The following INTS13 variants were observed in gnomAD, a reference collection of about 807,000 sequenced individuals.
INTS13 encodes the protein asunder, spermatogenesis regulator homolog (Drosphila).
A neutral mutation model predicts 90.2 loss-of-function variants in INTS13; 35 were observed. That is an observed-to-expected ratio of 0.39 (90% CI 0.30 to 0.51). The LOEUF (loss-of-function observed/expected upper bound fraction) is 0.51, where lower values mean the gene tolerates loss of function less well. Among genes scored for constraint, INTS13 ranks in the 20% least tolerant of loss-of-function variants. INTS13 has a pLI of 0.80. For missense variants in INTS13, 601 were observed against 851.2 expected (o/e 0.71, Z 3.66); for synonymous variants, 309 against 277.1 (o/e 1.11, Z -1.14).
chr12:26,914,057 T>A lies in INTS13; in HGVS notation c.1491A>T (p.Thr497=). 1 of 1,611,810 alleles carries A rather than the reference T, an allele frequency of 6.2e-7. No homozygotes were observed. Among genetic ancestry groups the A allele is most frequent in the Non-Finnish European group, 8.5e-7 (1 of 1,179,108 alleles). Residue 497 remains threonine (T), a synonymous_variant, in exon 13 of 17, where the codon ACA becomes ACT. Transcript: ENST00000261191. Reference sequence around the variant, plus strand: ...TTTCCATATCAACTAAGTTGTATATTGTTTTTTGACAGTTTAACACATCTT... The same window carrying A: ...TTTCCATATCAACTAAGTTGTATATAGTTTTTTGACAGTTTAACACATCTT... ...TEEDVLNCQK[T]IYNLVDMERK...
Position 26,925,769 on chromosome 12 carries a change from T to C in INTS13, c.667A>G (p.Lys223Glu), listed in dbSNP as rs1237417332. Residue 223 changes from lysine (K) to glutamate (E), a missense_variant, in exon 6 of 17, where the codon AAA becomes GAA. Coordinates refer to ENST00000261191, the MANE Select transcript of INTS13 (RefSeq NM_018164.3). Reference sequence around the variant, plus strand: ...ATTATTTCAACACTCACCTCTTTTTTAGAACGATCAGATACAAGGCTGTCT... The same window carrying C: ...ATTATTTCAACACTCACCTCTTTTTCAGAACGATCAGATACAAGGCTGTCT... Reference protein sequence around the residue: ...GEDSLVSDRSKKELSPVLTSE... With the variant: ...GEDSLVSDRSEKELSPVLTSE... 1 of 1,608,630 alleles carries C rather than the reference T, an allele frequency of 6.2e-7. No individual in the cohort carries two copies. The highest frequency in any genetic ancestry group is 8.5e-7 in the Non-Finnish European group (1 of 1,176,370).
At chr12:26,926,856 C>T (rs527938505) in intron 5 of INTS13, among the ~76,000 whole-genome samples, 8 of 152,154 alleles carry the variant, frequency 5.3e-5, no homozygotes, top group Non-Finnish European at 1.0e-4. Flanking sequence ...GTCTGGTCAC[C>T]AGAAAGAACA....
At chr12:26,935,962 A>G (rs2136328663) in intron 2 of INTS13, among the ~76,000 whole-genome samples, 1 of 152,284 alleles carries the variant, frequency 6.6e-6, no homozygotes, top group East Asian at 1.9e-4. Flanking sequence ...TCAATCATCC[A>G]TTTCTCTTCT....
At chr12:26,921,417 G>C (rs935692790) in intron 8 of INTS13, among the ~76,000 whole-genome samples, 1 of 152,168 alleles carries the variant, frequency 6.6e-6, no homozygotes, top group Non-Finnish European at 1.5e-5. Flanking sequence ...ATGAGTTTGA[G>C]AAAGCCATGG....
chr12:26,924,840 C>T (rs2137514141), intron 6 of INTS13, among the ~76,000 whole-genome samples: 1 of 152,140 alleles, frequency 6.6e-6, no homozygotes, highest in South Asian at 2.1e-4. Context: ...TTGAAGTACA[C>T]TGCAGAAAAA....
Position 26,911,197 on chromosome 12 carries a change from T to A in INTS13, c.1926A>T (p.Pro642=), listed in dbSNP as rs201853797. ...KKPLVEMDET[P]QVEKSKGPVS... is the part of the protein sequence containing the mutation. ...CCTTACCTTTTGATTTTTCCACTTG[T>A]GGAGTTTCATCCATTTCAACAAGGG... The change falls in exon 15 of 17, where the codon CCA becomes CCT. Residue 642 remains proline, a synonymous_variant. Transcript: ENST00000261191. The A allele has an allele frequency of 5.4e-5, 87 of 1,613,294 alleles. No homozygotes were observed. Among genetic ancestry groups the A allele is most frequent in the Non-Finnish European group, 7.3e-5 (86 of 1,179,826 alleles).
intron 5 of INTS13, among the ~76,000 whole-genome samples, chr12:26,926,807 A>T (rs1166030007): frequency 6.6e-6 from 1 of 152,208 alleles, no homozygotes; most frequent in Non-Finnish European, 1.5e-5. Context: ...TCTTCTACTG[A>T]GGCAACTTTA....
chr12:26,929,834 A>AAG (rs374907720), intron 3 of INTS13, among the ~76,000 whole-genome samples: 6 of 150,678 alleles, frequency 4.0e-5, no homozygotes, highest in South Asian at 2.1e-4. Flanking sequence ...GGAAGGAAGG[A>AAG]AGAGAGAGAG....
At chr12:26,937,736 G>C (rs1476572492) in intron 1 of INTS13, 60 bp downstream of exon 1, 1 of 152,582 alleles carries the variant, frequency 6.6e-6, no homozygotes, top group South Asian at 2.1e-4. Context: ...GCTGGAGGGT[G>C]GGGGGTGGAA....
At position 26,924,390 on chromosome 12, in the gene INTS13, A is replaced by G. The variant is rs148903036; in HGVS notation, c.769T>C (p.Leu257=). ...ATATTTGTAATAGTAGTTGAAGCCAAGTCAAAATGTTGCTGTACTAAAATA... is the reference window on the plus strand; with the variant it reads ...ATATTTGTAATAGTAGTTGAAGCCAGGTCAAAATGTTGCTGTACTAAAATA... ...LNILVQQHFD[L]ASTTITNIPM... Residue 257 remains leucine, a synonymous_variant, in exon 7 of 17, where the codon TTG becomes CTG. Transcript: ENST00000261191. The G allele has an allele frequency of 6.2e-7, 1 of 1,613,172 alleles. No individual in the cohort carries two copies. The highest frequency in any genetic ancestry group is 1.1e-5 in the South Asian group (1 of 90,962).
intron 6 of INTS13, 38 bp from the exon 7 acceptor site, chr12:26,924,521 A>AT (rs1262189941): frequency 6.4e-7 from 1 of 1,565,152 alleles, no homozygotes; most frequent in East Asian, 2.3e-5. Flanking sequence ...TCCACAAAAT[A>AT]TTAATTCATT....
rs781376298 is a variant in INTS13, at chr12:26,914,410, C to T, written c.1417G>A (p.Ala473Thr). 8 of 1,612,042 alleles carry T rather than the reference C, an allele frequency of 5.0e-6. No individual in the cohort carries two copies. In the South Asian group the frequency reaches 8.9e-5, roughly 18 times the overall value. The change falls in exon 12 of 17, where the codon GCG becomes ACG. Residue 473 changes from alanine to threonine, a missense_variant and splice_region_variant. Ala to Thr is a moderately conservative substitution (Grantham distance 58, BLOSUM62 0). Around this residue, in one of 3 missense-constraint regions of INTS13, gnomAD observed 228 missense variants for 272.5 expected, o/e 0.84. Transcript: ENST00000261191. Reference sequence around the variant, plus strand: ...AGTTGAAGCTACTTAACACTTACCGCTTGCATGTTAAAAATGGTGGTTTGT... The same window carrying T: ...AGTTGAAGCTACTTAACACTTACCGTTTGCATGTTAAAAATGGTGGTTTGT... ...ISQTTIFNMQ[A>T]VVPLASVIVK...
At chr12:26,912,621 T>G (rs925760269) in intron 14 of INTS13, among the ~76,000 whole-genome samples, 3 of 151,920 alleles carry the variant, frequency 2.0e-5, no homozygotes, top group African/African-American at 7.3e-5. Flanking sequence ...AGGAAAAGAG[T>G]ATACTATTAA....
At chr12:26,910,782 TC>T (rs1461566740) in intron 15 of INTS13, among the ~76,000 whole-genome samples, 11 of 152,112 alleles carry the variant, frequency 7.2e-5, no homozygotes, top group Admixed American at 7.2e-4. Flanking sequence ...TAAGAACTCT[TC>T]CTCACATACA....
chr12:26,911,479 G>T (rs1333455663), intron 14 of INTS13, among the ~76,000 whole-genome samples, 162 bp from the exon 15 acceptor site: 1 of 151,882 alleles, frequency 6.6e-6, no homozygotes. Context: ...CCAGGTAACA[G>T]AAATTAATGA....
At position 26,913,439 on chromosome 12, in the gene INTS13, T is replaced by C; in HGVS notation, c.1805+18A>G. 1.2e-6 allele frequency: 2 copies of C among 1,602,036 alleles called. No individual in the cohort carries two copies. The highest frequency in any genetic ancestry group is 2.2e-5 in the East Asian group (1 of 44,824). On this transcript the variant is annotated intron_variant, in intron 14 of 16. Coordinates refer to ENST00000261191, the MANE Select transcript of INTS13 (RefSeq NM_018164.3). ...TAACAAAAGGCACCATGGTGCTATA[T>C]CAATGCCAGGAAGTCACCTCTCTGA... is the stretch of plus-strand genomic sequence containing the variant.
chr12:26,911,381 T>TGGTC (rs1433823017), intron 14 of INTS13, 64 bp from the exon 15 acceptor site: 2 of 1,394,780 alleles, frequency 1.4e-6, no homozygotes, highest in Non-Finnish European at 1.9e-6. Context: ...GGTCTAATAA[T>TGGTC]TAAACTAACT....
At chr12:26,918,225 G>T (rs1016937678) in intron 8 of INTS13, among the ~76,000 whole-genome samples, 2 of 152,052 alleles carry the variant, frequency 1.3e-5, no homozygotes, top group Admixed American at 1.3e-4. Context: ...CAATTTTTCT[G>T]TAAATCTGAA....
chr12:26,911,002 A>G (rs1161543923), intron 15 of INTS13, among the ~76,000 whole-genome samples, 176 bp downstream of exon 15: 1 of 151,868 alleles, frequency 6.6e-6, no homozygotes, highest in African/African-American at 2.4e-5. Flanking sequence ...TGCCCGCCTA[A>G]TTTTGTATTT....
Sources: gnomAD v4.1 joint callset for allele counts (sites outside exome capture counted in the v4.1 genomes callset) on GRCh38, gnomAD v4.1.1 for gene constraint, gnomAD v4.1.1 regional missense constraint, MANE v1.5 for transcripts, NCBI Gene and HGNC (gene_info 2026-07-23, HGNC 2026-07-21) for gene names.